Variants in HMCN1 observed in about 807,000 individuals in gnomAD.
HMCN1 encodes the protein hemicentin 1, also known as hemicentin-1.
Under a neutral mutation model 625.9 loss-of-function variants are expected in HMCN1, and 321 were observed. The observed-to-expected ratio is 0.51, with a 90% CI of 0.47 to 0.56. The LOEUF (loss-of-function observed/expected upper bound fraction) is 0.56, where lower values mean the gene tolerates loss of function less well. HMCN1 is among the 20% of genes least tolerant of loss of function. The pLI, the probability that HMCN1 is intolerant of heterozygous loss-of-function variation, is 0.00. For synonymous variants in HMCN1, 2,425 were observed against 2,417.6 expected (o/e 1.00, Z -0.09); for missense variants, 6,588 against 6,887.3 (o/e 0.96, Z 1.54).
intron 25 of HMCN1, among the ~76,000 whole-genome samples, chr1:185,997,842 A>G (rs1395196631): frequency 6.7e-6 from 1 of 150,302 alleles, no homozygotes; most frequent in Non-Finnish European, 1.5e-5. Context: ...TTGTCTTTAC[A>G]ATGTGATAGC....
intron 2 of HMCN1, among the ~76,000 whole-genome samples, chr1:185,852,949 T>C (rs1026228785): frequency 7.9e-5 from 12 of 152,086 alleles, no homozygotes; most frequent in African/African-American, 2.7e-4. Context: ...CTTTTTGATA[T>C]TAGGTAACAT....
chr1:186,172,802 C>G (rs918587869), intron 102 of HMCN1, among the ~76,000 whole-genome samples: 5 of 152,156 alleles, frequency 3.3e-5, no homozygotes, highest in Non-Finnish European at 1.5e-5. Flanking sequence ...GCCTACTCCA[C>G]TATACCCCCT....
At chr1:186,019,761 T>C (rs890928022) in intron 35 of HMCN1, 66 bp downstream of exon 35, 1 of 1,363,116 alleles carries the variant, frequency 7.3e-7, no homozygotes, top group African/African-American at 1.4e-5. Context: ...AATATCAAGT[T>C]ATTCTTTCTT....
intron 22 of HMCN1, 98 bp from the exon 23 acceptor site, chr1:185,993,072 TGGTTTAAAAAAC>T (rs768575516): frequency 3.9e-6 from 4 of 1,019,140 alleles, no homozygotes; most frequent in African/African-American, 1.6e-5. Context: ...GATGGGAAAA[TGGTTTAAAAAAC>T]TACTTGCAGA....
chr1:185,745,585 C>G (rs989947100), intron 1 of HMCN1, among the ~76,000 whole-genome samples: 1 of 152,198 alleles, frequency 6.6e-6, no homozygotes, highest in South Asian at 2.1e-4. Context: ...TTTTGGCACA[C>G]TAGTCATATC....
At chr1:185,875,180 G>A (rs1008488377) in intron 4 of HMCN1, among the ~76,000 whole-genome samples, 1 of 151,886 alleles carries the variant, frequency 6.6e-6, no homozygotes, top group Non-Finnish European at 1.5e-5. Flanking sequence ...GCAATCACTG[G>A]ATAGTATGAT....
chr1:185,915,131 A>G (rs756882394), intron 6 of HMCN1, among the ~76,000 whole-genome samples: 1 of 152,042 alleles, frequency 6.6e-6, no homozygotes, highest in Non-Finnish European at 1.5e-5. Context: ...GAGTCAACTC[A>G]TTTGTATAAT....
intron 1 of HMCN1, among the ~76,000 whole-genome samples, chr1:185,792,483 C>T (rs57646829): frequency 0.09 from 13,643 of 151,922 alleles, 1,960 homozygotes; most frequent in African/African-American, 0.31. Flanking sequence ...TTAAATATCT[C>T]AGCTCCAAAA....
rs1299368208 is a variant in HMCN1 at position 185,999,955 on chromosome 1, AC to A, written c.3875-89del. The A allele has an allele frequency of 6.1e-5, 55 of 899,672 alleles. No individual in the cohort carries two copies. The Admixed American group carries it at 1.2e-3, about 20-fold the overall frequency. The allele number at this position is 899,672 out of a possible 1,614,324, so 55.7% of individuals were successfully genotyped here. A position where few individuals can be genotyped will look rare whatever the true frequency, so the allele number is the denominator to read the frequency against. On this transcript the variant is annotated intron_variant, in intron 25 of 106. Transcript: ENST00000271588. ...CCTAAGGTTATAAATTATTGTCATA[AC>A]AAAAACTTTATTTCTCTTTGATATA... is the stretch of plus-strand genomic sequence containing the variant.
intron 91 of HMCN1, among the ~76,000 whole-genome samples, chr1:186,145,039 T>G (rs1485899850): frequency 6.6e-6 from 1 of 152,246 alleles, no homozygotes; most frequent in Non-Finnish European, 1.5e-5. Flanking sequence ...AACCTGGATT[T>G]TTAGACCCTT....
intron 41 of HMCN1, 47 bp from the exon 42 acceptor site, chr1:186,048,696 C>G (rs370367905): frequency 1.1e-4 from 123 of 1,122,616 alleles, no homozygotes; most frequent in Non-Finnish European, 1.6e-4. Context: ...TTAAAAAACC[C>G]CAAGTGAAAT....
At chr1:186,140,374 A>G (rs551632458) in intron 89 of HMCN1, among the ~76,000 whole-genome samples, 3 of 152,318 alleles carry the variant, frequency 2.0e-5, no homozygotes, top group African/African-American at 4.8e-5. Context: ...AGTATTTTAG[A>G]GAAGACAATT....
chr1:186,074,073 C>T (rs148639672), intron 52 of HMCN1, among the ~76,000 whole-genome samples: 441 of 151,496 alleles, frequency 2.9e-3, no homozygotes, highest in South Asian at 0.015. Context: ...ATAGTGAGCC[C>T]GGAGCTAAAA....
At chr1:186,063,730 C>T in intron 48 of HMCN1, among the ~76,000 whole-genome samples, 1 of 151,958 alleles carries the variant, frequency 6.6e-6, no homozygotes, top group East Asian at 1.9e-4. Context: ...TGGGGATTTT[C>T]CAAGAACAAT....
At chr1:186,185,834 G>A (rs773940023) in intron 105 of HMCN1, among the ~76,000 whole-genome samples, 54 of 152,228 alleles carry the variant, frequency 3.5e-4, no homozygotes, top group South Asian at 1.9e-3. Flanking sequence ...GCATTTGACC[G>A]TCAGGACCCA....
chr1:186,111,505 G>T (rs1167595219), intron 71 of HMCN1, among the ~76,000 whole-genome samples: 1 of 152,002 alleles, frequency 6.6e-6, no homozygotes, highest in Non-Finnish European at 1.5e-5. Context: ...AGTTAGCTGG[G>T]CATGGTGGCA....
chr1:185,972,660 T>C (rs981609549), intron 15 of HMCN1, among the ~76,000 whole-genome samples: 1 of 152,144 alleles, frequency 6.6e-6, no homozygotes, highest in Admixed American at 6.6e-5. Context: ...TCAGTACCAT[T>C]CATGTTTCTG....
At chr1:186,047,988 T>A (rs1656685086) in intron 41 of HMCN1, among the ~76,000 whole-genome samples, 1 of 152,152 alleles carries the variant, frequency 6.6e-6, no homozygotes, top group African/African-American at 2.4e-5. Context: ...TGGCAATAAG[T>A]CCCATACTGC....
rs768603389 is a variant in HMCN1 at position 186,137,713 on chromosome 1, T to A, written c.13753+45T>A. 3 of 1,613,808 alleles carry A rather than the reference T, an allele frequency of 1.9e-6. No individual in the cohort carries two copies. The East Asian group carries it at 6.7e-5, about 36-fold the overall frequency. On this transcript the variant is annotated intron_variant, in intron 88 of 106. Transcript: ENST00000271588. ...TGATAGGCATGTGTTTAATAGACCT[T>A]CATTTCTGTCTTCTACCTATGGATT... is the stretch of plus-strand genomic sequence containing the variant.
Sources: gnomAD v4.1 joint callset for allele counts (sites outside exome capture counted in the v4.1 genomes callset) on GRCh38, gnomAD v4.1.1 for gene constraint, MANE v1.5 for transcripts, NCBI Gene and HGNC (gene_info 2026-07-23, HGNC 2026-07-21) for gene names.